The following AGAP1 variants were observed in gnomAD, a reference collection of about 807,000 sequenced individuals.
The protein encoded by AGAP1 is ArfGAP with GTPase domain, ankyrin repeat and PH domain 1, also known as arf-GAP with GTPase, ANK repeat and PH domain-containing protein 1.
A neutral mutation model predicts 105.3 loss-of-function variants in AGAP1; 29 were observed. The ratio of observed to expected loss-of-function variants is 0.28; its 90% CI spans 0.21 to 0.38. AGAP1 has a LOEUF of 0.38. Ranked by LOEUF, AGAP1 falls within the 10% of genes least tolerant of loss-of-function variation. The pLI is 1.00. For missense variants in AGAP1, 998 were observed against 1,165.1 expected (o/e 0.86, Z 2.09); for synonymous variants, 509 against 485.9 (o/e 1.05, Z -0.63).
Position 235,771,441 on chromosome 2 carries a change from G to A in AGAP1, c.673+20953G>A, listed in dbSNP as rs543772915. On this transcript the variant is annotated intron_variant, in intron 6 of 17. Transcript: ENST00000304032. ...CCAGGAACCCACGGACCTGCCACAGGATGCAGCCAGGGTGACCTAAGGCAT... is the reference window on the plus strand; with the variant it reads ...CCAGGAACCCACGGACCTGCCACAGAATGCAGCCAGGGTGACCTAAGGCAT... 3.3e-5 allele frequency among the ~76,000 whole-genome samples: 5 copies of A among 152,320 alleles called. No homozygotes were observed. The East Asian group carries it at 9.7e-4, about 29-fold the overall frequency.
intron 16 of AGAP1, among the ~76,000 whole-genome samples, chr2:236,103,721 C>G (rs933883364): frequency 2.6e-5 from 4 of 152,076 alleles, no homozygotes; most frequent in Non-Finnish European, 5.9e-5. Flanking sequence ...AGGCACCCAC[C>G]ACCACACCTG....
intron 13 of AGAP1, among the ~76,000 whole-genome samples, chr2:235,991,848 T>G (rs2055575804): frequency 6.6e-6 from 1 of 152,246 alleles, no homozygotes; most frequent in Non-Finnish European, 1.5e-5. Flanking sequence ...GGAAAAATGT[T>G]CTTTTTACCT....
At chr2:235,880,932 C>T (rs1453972834) in intron 9 of AGAP1, among the ~76,000 whole-genome samples, 3 of 152,168 alleles carry the variant, frequency 2.0e-5, no homozygotes, top group Non-Finnish European at 4.4e-5. Context: ...TGGTTTGCAA[C>T]TTAGTAGCAT....
rs532904951 is a variant in AGAP1, at chr2:235,971,848, G to T, written c.1645+3225G>T. On this transcript the variant is annotated intron_variant, in intron 13 of 17. Coordinates refer to ENST00000304032, the MANE Select transcript of AGAP1 (RefSeq NM_001037131.3). This position sits in a 1 kb window ranked among gnomAD's most constrained non-coding sequence, Gnocchi z 4.8. ...GGCTGGGGTGTAGTGGTGCAGTCAC[G>T]GCTCACTGCAGCCTCGAACTCCCAG... Among the ~76,000 whole-genome samples the T allele has an allele frequency of 6.6e-6, 1 of 151,240 alleles. No individual in the cohort carries two copies. The highest frequency in any genetic ancestry group is 2.4e-5 in the African/African-American group (1 of 41,092).
chr2:235,950,887 CTTTTTTT>C (rs200110792), intron 12 of AGAP1, among the ~76,000 whole-genome samples: 2 of 118,258 alleles, frequency 1.7e-5, no homozygotes, highest in Non-Finnish European at 3.6e-5. Flanking sequence ...TCTCCAAGCA[CTTTTTTT>C]TTTTTTTTTT....
At position 235,556,777 on chromosome 2, in the gene AGAP1, C is replaced by T. The variant is rs1042457455; in HGVS notation, c.163+61928C>T. Among the ~76,000 whole-genome samples the T allele has an allele frequency of 6.6e-6, 1 of 152,158 alleles. No homozygotes were observed. Among genetic ancestry groups the T allele is most frequent in the Non-Finnish European group, 1.5e-5 (1 of 68,032 alleles). ...ACTGTAAGATCGTGAATCTGAAAGTCGTTGCTTATTGTATATTTGAGAAGT... is the reference window on the plus strand; with the variant it reads ...ACTGTAAGATCGTGAATCTGAAAGTTGTTGCTTATTGTATATTTGAGAAGT... On this transcript the variant is annotated intron_variant, in intron 1 of 17. Coordinates refer to ENST00000304032, the MANE Select transcript of AGAP1 (RefSeq NM_001037131.3). This position sits in a 1 kb window ranked among gnomAD's most constrained non-coding sequence, Gnocchi z 5.3.
intron 8 of AGAP1, 136 bp from the exon 9 acceptor site, chr2:235,807,103 C>T (rs756591157): frequency 1.2e-4 from 91 of 753,560 alleles, no homozygotes; most frequent in Non-Finnish European, 1.9e-4. Flanking sequence ...GTCTGCTCGT[C>T]GGACGTGTCT....
At chr2:235,999,510 ATGG>A (rs371247715) in intron 13 of AGAP1, among the ~76,000 whole-genome samples, 13 of 102,884 alleles carry the variant, frequency 1.3e-4, no homozygotes, top group African/African-American at 3.5e-4. Context: ...GGTAGTGGTG[ATGG>A]TGGTGGTGGT....
Position 235,750,336 on chromosome 2 carries a change from T to G in AGAP1, c.539-18T>G, listed in dbSNP as rs371113525. 6.2e-7 allele frequency: 1 copy of G among 1,613,884 alleles called. No homozygotes were observed. The highest frequency in any genetic ancestry group is 8.5e-7 in the Non-Finnish European group (1 of 1,179,912). ...TGTCATTGTCACTGTGCCGTTACTT[T>G]TTGGTCTTCTGTTCCAGATGCCATA... On this transcript the variant is annotated intron_variant, in intron 5 of 17. Coordinates refer to ENST00000304032, the MANE Select transcript of AGAP1 (RefSeq NM_001037131.3). The surrounding 1 kb of genome is among the most constrained non-coding windows in gnomAD (Gnocchi z 5.3).
At chr2:235,862,911 A>G (rs1430204015) in intron 9 of AGAP1, among the ~76,000 whole-genome samples, 2 of 152,132 alleles carry the variant, frequency 1.3e-5, no homozygotes, top group African/African-American at 4.8e-5. Context: ...CTCTGTGTGC[A>G]TGCTTTTTCT....
At position 236,002,595 on chromosome 2, in the gene AGAP1, C is replaced by A. The variant is rs1220090308; in HGVS notation, c.1646-33966C>A. Among the ~76,000 whole-genome samples, 1 of 152,156 alleles carries A rather than the reference C, an allele frequency of 6.6e-6. No homozygotes were observed. The highest frequency in any genetic ancestry group is 1.5e-5 in the Non-Finnish European group (1 of 68,044). On this transcript the variant is annotated intron_variant, in intron 13 of 17. Coordinates refer to ENST00000304032, the MANE Select transcript of AGAP1 (RefSeq NM_001037131.3). This position sits in a 1 kb window ranked among gnomAD's most constrained non-coding sequence, Gnocchi z 4.3. Reference sequence around the variant, plus strand: ...AAGAATTACTTCATGCATTCCTGTTCATTGGCGGTCTTTGGCCTTTGAGAG... The same window carrying A: ...AAGAATTACTTCATGCATTCCTGTTAATTGGCGGTCTTTGGCCTTTGAGAG...
At chr2:235,715,018 C>T (rs779847069) in intron 2 of AGAP1, among the ~76,000 whole-genome samples, 8 of 152,062 alleles carry the variant, frequency 5.3e-5, no homozygotes, top group Admixed American at 2.0e-4. Flanking sequence ...AGGATGGTCT[C>T]GATCTCCTGA....
At chr2:235,684,296 G>A (rs368807345) in intron 1 of AGAP1, among the ~76,000 whole-genome samples, 6 of 152,038 alleles carry the variant, frequency 3.9e-5, no homozygotes, top group African/African-American at 1.4e-4. Context: ...CACCCGCCTC[G>A]GCCTCCCAAA....
intron 13 of AGAP1, among the ~76,000 whole-genome samples, chr2:236,017,308 ATACAT>A (rs1259655061): frequency 1.3e-5 from 2 of 151,476 alleles, no homozygotes; most frequent in Non-Finnish European, 2.9e-5. Flanking sequence ...AAAAAAAAAA[ATACAT>A]TACAGAATTT....
chr2:235,886,029 G>A (rs1231324480), intron 10 of AGAP1, among the ~76,000 whole-genome samples: 1 of 152,142 alleles, frequency 6.6e-6, no homozygotes, highest in Admixed American at 6.5e-5. Context: ...CTCCAGGACT[G>A]CCCCATGTAG....
At position 235,611,446 on chromosome 2, in the gene AGAP1, A is replaced by C. The variant is rs1413136577; in HGVS notation, c.164-97733A>C. Among the ~76,000 whole-genome samples the C allele has an allele frequency of 6.6e-6, 1 of 152,194 alleles. No homozygotes were observed. The highest frequency in any genetic ancestry group is 2.4e-5 in the African/African-American group (1 of 41,448). ...TTATTGTGAAGGAGCTGATTTTTGG[A>C]GGAGTGGTTTGTCTGCAGTTGCACA... On this transcript the variant is annotated intron_variant, in intron 1 of 17. Coordinates refer to ENST00000304032, the MANE Select transcript of AGAP1 (RefSeq NM_001037131.3). This position sits in a 1 kb window ranked among gnomAD's most constrained non-coding sequence, Gnocchi z 5.0.
chr2:236,088,424 A>G (rs1344118762), intron 16 of AGAP1, among the ~76,000 whole-genome samples: 1 of 152,216 alleles, frequency 6.6e-6, no homozygotes, highest in Non-Finnish European at 1.5e-5. Flanking sequence ...TTGGAGGGTA[A>G]GACACTTGGC....
chr2:235,803,009 GGTT>G (rs1467898983), intron 8 of AGAP1, among the ~76,000 whole-genome samples: 6 of 151,342 alleles, frequency 4.0e-5, no homozygotes, highest in African/African-American at 4.8e-5. Context: ...TGATGGTTGT[GGTT>G]GTGATGGTGG....
At chr2:235,784,088 A>G (rs773559685) in intron 6 of AGAP1, among the ~76,000 whole-genome samples, 7 of 152,142 alleles carry the variant, frequency 4.6e-5, no homozygotes, top group Non-Finnish European at 7.4e-5. Flanking sequence ...TTCGCTTTCA[A>G]ATTTTTTTTG....
Sources: allele counts gnomAD v4.1 joint callset (sites outside exome capture counted in the v4.1 genomes callset), GRCh38; gene constraint gnomAD v4.1.1; non-coding constraint Gnocchi (gnomAD v3.1); transcripts MANE v1.5; gene names NCBI Gene and HGNC (gene_info 2026-07-23, HGNC 2026-07-21).